NEK1: variants seen among roughly 807,000 people sequenced by gnomAD.
NEK1 encodes the protein NIMA related kinase 1.
A neutral mutation model predicts 182.1 loss-of-function variants in NEK1; 137 were observed. The observed-to-expected ratio is 0.75, with a 90% CI of 0.65 to 0.87. The LOEUF is 0.87. Ranked by LOEUF, NEK1 falls within the 40% of genes least tolerant of loss-of-function variation. The pLI, the probability that NEK1 is intolerant of heterozygous loss-of-function variation, is 0.00. For synonymous variants in NEK1, 513 were observed against 492.2 expected, an observed-to-expected ratio of 1.04 and a Z score of -0.56; for missense variants, 1,391 against 1,494.4, an observed-to-expected ratio of 0.93 and a Z score of 1.14.
intron 23 of NEK1, among the ~76,000 whole-genome samples, chr4:169,484,181 T>C (rs1177097731): frequency 3.9e-5 from 6 of 152,198 alleles, no homozygotes; most frequent in African/African-American, 1.2e-4. Flanking sequence ...TACCACATAC[T>C]AGGATTACAG....
chr4:169,605,091 A>G (rs1267136540), intron 2 of NEK1, among the ~76,000 whole-genome samples: 1 of 152,238 alleles, frequency 6.6e-6, no homozygotes, highest in East Asian at 1.9e-4. Flanking sequence ...ATTAAATTAA[A>G]TAATAGCCAT....
At chr4:169,526,173 T>C (rs764171248) in intron 19 of NEK1, among the ~76,000 whole-genome samples, 7 of 152,202 alleles carry the variant, frequency 4.6e-5, no homozygotes, top group Non-Finnish European at 8.8e-5. Context: ...CAGTTACCTA[T>C]ACAGGGAAAA....
rs1346551242 is a variant in NEK1 at position 169,495,417 on chromosome 4, T to G, written c.2007+11620A>C. 2.6e-5 allele frequency among the ~76,000 whole-genome samples: 4 copies of G among 152,118 alleles called. No individual in the cohort carries two copies. In the East Asian group the frequency reaches 7.8e-4, roughly 30 times the overall value. On this transcript the variant is annotated intron_variant, in intron 23 of 35. Transcript: ENST00000507142. ...CGCCACCATGACCAGCTAATTTTTG[T>G]ATTTTTAGTAGAGACGGGGTTTCAC...
Position 169,602,117 on chromosome 4 carries a change from G to A in NEK1, c.118-13C>T, listed in dbSNP as rs1262370167. 1.3e-6 allele frequency: 2 copies of A among 1,567,882 alleles called. No individual in the cohort carries two copies. The highest frequency in any genetic ancestry group is 1.8e-6 in the Non-Finnish European group (2 of 1,139,202). ...CTTTACTGGACATCTTAAATGGGAG[G>A]AAAAAGAAAATAGTAAATGAAACCA... On this transcript the variant is annotated splice_polypyrimidine_tract_variant and intron_variant, in intron 3 of 35. Transcript: ENST00000507142.
At chr4:169,470,489 C>G (rs542383604) in intron 26 of NEK1, among the ~76,000 whole-genome samples, 1 of 152,198 alleles carries the variant, frequency 6.6e-6, no homozygotes, top group Non-Finnish European at 1.5e-5. Flanking sequence ...GAGAGATCTG[C>G]TGTTAGTTCA....
At chr4:169,553,679 A>G (rs552306848) in intron 18 of NEK1, among the ~76,000 whole-genome samples, 1 of 152,380 alleles carries the variant, frequency 6.6e-6, no homozygotes, top group East Asian at 1.9e-4. Flanking sequence ...AATGAATTTT[A>G]AAATGGGCAA....
At chr4:169,545,333 T>C (rs1204846024) in intron 18 of NEK1, among the ~76,000 whole-genome samples, 2 of 151,886 alleles carry the variant, frequency 1.3e-5, no homozygotes, top group Non-Finnish European at 2.9e-5. Flanking sequence ...GATAGTTTAC[T>C]GAGAATGATT....
intron 23 of NEK1, among the ~76,000 whole-genome samples, chr4:169,484,476 A>G (rs1748688229): frequency 6.6e-6 from 1 of 152,244 alleles, no homozygotes; most frequent in Non-Finnish European, 1.5e-5. Context: ...AGATAATGAT[A>G]TCCAAAATGA....
chr4:169,494,640 A>G (rs1287870801), intron 23 of NEK1, among the ~76,000 whole-genome samples: 2 of 152,142 alleles, frequency 1.3e-5, no homozygotes, highest in Non-Finnish European at 2.9e-5. Flanking sequence ...GTCAAATGGT[A>G]TTTCTAGTTC....
intron 23 of NEK1, among the ~76,000 whole-genome samples, chr4:169,481,226 A>G (rs1393075215): frequency 2.0e-5 from 3 of 152,214 alleles, no homozygotes; most frequent in African/African-American, 7.2e-5. Context: ...GAAATCTTGA[A>G]GAATGGAGTC....
In NEK1 at chr4:169,421,948, T is replaced by C. The variant is rs867815348; in HGVS notation, c.3222+2605A>G. Among the ~76,000 whole-genome samples the C allele has an allele frequency of 3.3e-5, 5 of 152,280 alleles. No individual in the cohort carries two copies. In the Middle Eastern group the frequency reaches 0.017, roughly 518 times the overall value. Reference sequence around the variant, plus strand: ...TTTCACAGTAGAAAAACACACATTATTTTTAAGAAATTTGTTAGAGTAGGA... The same window carrying C: ...TTTCACAGTAGAAAAACACACATTACTTTTAAGAAATTTGTTAGAGTAGGA... On this transcript the variant is annotated intron_variant, in intron 31 of 35. Coordinates refer to ENST00000507142, the MANE Select transcript of NEK1 (RefSeq NM_001199397.3).
At chr4:169,550,362 G>T (rs1453585835) in intron 18 of NEK1, among the ~76,000 whole-genome samples, 1 of 152,170 alleles carries the variant, frequency 6.6e-6, no homozygotes, top group Non-Finnish European at 1.5e-5. Context: ...TCTCGGGTAT[G>T]ACTTTGTTAG....
chr4:169,405,154 C>A (rs1174860778), intron 32 of NEK1, among the ~76,000 whole-genome samples: 1 of 152,146 alleles, frequency 6.6e-6, no homozygotes, highest in Non-Finnish European at 1.5e-5. Flanking sequence ...ATTGTTATAG[C>A]CAATTTCATT....
At chr4:169,515,584 GC>G (rs1755068453) in intron 19 of NEK1, among the ~76,000 whole-genome samples, 1 of 135,480 alleles carries the variant, frequency 7.4e-6, no homozygotes, top group African/African-American at 2.8e-5. Flanking sequence ...CATGTGCCAT[GC>G]TGGTGCGCTG....
Position 169,589,628 on chromosome 4 carries a change from G to T in NEK1, c.397-114C>A. The T allele has an allele frequency of 9.4e-6, 6 of 636,480 alleles. No individual in the cohort carries two copies. The South Asian group carries it at 1.0e-4, about 11-fold the overall frequency. 39.4% of individuals were successfully genotyped at this position (636,480 alleles called of 1,614,324 possible). A position where few individuals can be genotyped will look rare whatever the true frequency, so the allele number is the denominator to read the frequency against. ...TAAAAAAATTGTGCTAGAGTAACTG[G>T]ATATTCACATACAAAAGAATAAATG... On this transcript the variant is annotated intron_variant, in intron 6 of 35. Coordinates refer to ENST00000507142, the MANE Select transcript of NEK1 (RefSeq NM_001199397.3).
intron 5 of NEK1, among the ~76,000 whole-genome samples, chr4:169,593,375 A>T (rs1768862118): frequency 6.6e-6 from 1 of 152,192 alleles, no homozygotes; most frequent in South Asian, 2.1e-4. Context: ...TTCATGGGCC[A>T]TTGTTTATTG....
chr4:169,472,101 C>A (rs1746086619), intron 26 of NEK1, among the ~76,000 whole-genome samples: 1 of 152,066 alleles, frequency 6.6e-6, no homozygotes, highest in South Asian at 2.1e-4. Flanking sequence ...GGCTTCAGCT[C>A]CCTTTCCAGA....
At chr4:169,598,304 G>A (rs1411133788) in intron 5 of NEK1, among the ~76,000 whole-genome samples, 1 of 152,106 alleles carries the variant, frequency 6.6e-6, no homozygotes, top group Non-Finnish European at 1.5e-5. Context: ...CTAGCACAGT[G>A]CTCCCTCTAC....
At position 169,524,911 on chromosome 4, in the gene NEK1, C is replaced by T. The variant is rs190337632; in HGVS notation, c.1665+12898G>A. ...CTACAGCTGCTTTTGTGCCATAATG[C>T]AAAGTTGAGTAGCTATGATAGAGAC... On this transcript the variant is annotated intron_variant, in intron 19 of 35. Coordinates refer to ENST00000507142, the MANE Select transcript of NEK1 (RefSeq NM_001199397.3). 7.6e-4 allele frequency among the ~76,000 whole-genome samples: 115 copies of T among 152,260 alleles called. 1 individual carries two copies. The highest frequency in any genetic ancestry group is 4.8e-3 in the South Asian group (23 of 4,826).
Sources: gnomAD v4.1 joint callset for allele counts (sites outside exome capture counted in the v4.1 genomes callset) on GRCh38, gnomAD v4.1.1 for gene constraint, MANE v1.5 for transcripts, NCBI Gene and HGNC (gene_info 2026-07-23, HGNC 2026-07-21) for gene names.